PRDM5: variants seen among roughly 807,000 people sequenced by gnomAD.
PRDM5 encodes PR/SET domain 5.
PRDM5 carries 56 observed loss-of-function variants against 81.2 expected under a neutral mutation model. The observed-to-expected ratio is 0.69, with a 90% CI of 0.56 to 0.86. PRDM5 has a LOEUF of 0.86. PRDM5 is among the 40% of genes least tolerant of loss of function. PRDM5 has a pLI of 0.00. For missense variants in PRDM5, 697 were observed against 770.1 expected, an observed-to-expected ratio of 0.91 and a Z score of 1.12; for synonymous variants, 267 against 256.4, an observed-to-expected ratio of 1.04 and a Z score of -0.39.
rs77157999 is a variant in PRDM5 at position 120,694,991 on chromosome 4, A to G, written c.*120T>C. ...ATCTACAGACTCTAAATGTAGGCAAATAAGAACTATGAGACCAGTAAGTCA... is the reference window on the plus strand; with the variant it reads ...ATCTACAGACTCTAAATGTAGGCAAGTAAGAACTATGAGACCAGTAAGTCA... On this transcript the variant is annotated 3_prime_UTR_variant, in exon 16 of 16. Coordinates refer to ENST00000264808, the MANE Select transcript of PRDM5 (RefSeq NM_018699.4). The G allele has an allele frequency of 0.012, 14,021 of 1,207,890 alleles. 120 individuals are homozygous for G. The highest frequency in any genetic ancestry group is 0.014 in the Non-Finnish European group (11,229 of 821,802). The allele number at this position is 1,207,890 out of a possible 1,614,324, so 74.8% of individuals were successfully genotyped here.
chr4:120,708,743 T>C (rs970127216), intron 15 of PRDM5, among the ~76,000 whole-genome samples: 1 of 152,128 alleles, frequency 6.6e-6, no homozygotes. Context: ...GTCTGAGCTA[T>C]GTGTTACAAG....
intron 2 of PRDM5, among the ~76,000 whole-genome samples, chr4:120,870,580 T>A (rs546226325): frequency 5.3e-5 from 8 of 151,482 alleles, no homozygotes; most frequent in Non-Finnish European, 1.0e-4. Flanking sequence ...AATGAGTGAG[T>A]ACGGATGAGA....
intron 8 of PRDM5, among the ~76,000 whole-genome samples, chr4:120,810,943 G>T (rs1253607852): frequency 6.6e-6 from 1 of 152,070 alleles, no homozygotes; most frequent in Non-Finnish European, 1.5e-5. Flanking sequence ...AAATTACTTT[G>T]TAATACATCT....
rs72921541 is a variant in PRDM5, at chr4:120,783,457, T to C, written c.1282+1541A>G. ...AGAACAAAAAAACTGAAAGCAAAGG[T>C]GGTAGATTACTTCTGTTAAGAATTC... is the stretch of plus-strand genomic sequence containing the variant. On this transcript the variant is annotated intron_variant, in intron 11 of 15. Transcript: ENST00000264808. 2.3e-3 allele frequency among the ~76,000 whole-genome samples: 355 copies of C among 152,206 alleles called. 1 individual carries two copies. Among genetic ancestry groups the C allele is most frequent in the African/African-American group, 8.0e-3 (331 of 41,558 alleles).
At chr4:120,697,668 CTA>C (rs1167810740) in intron 15 of PRDM5, among the ~76,000 whole-genome samples, 12,838 of 42,148 alleles carry the variant, frequency 0.3, 1,968 homozygotes, top group African/African-American at 0.43. Flanking sequence ...GCCCAGCTAA[CTA>C]TTTTTTTTTT....
chr4:120,832,469 T>C (rs1756832204), intron 3 of PRDM5, among the ~76,000 whole-genome samples: 1 of 152,098 alleles, frequency 6.6e-6, no homozygotes, highest in African/African-American at 2.4e-5. Flanking sequence ...AAATTACATA[T>C]AAATTATTCC....
chr4:120,849,776 A>C (rs1759055202), intron 3 of PRDM5, among the ~76,000 whole-genome samples: 1 of 152,090 alleles, frequency 6.6e-6, no homozygotes, highest in Non-Finnish European at 1.5e-5. Context: ...CTACATATAC[A>C]TTTTTTTCCT....
intron 8 of PRDM5, among the ~76,000 whole-genome samples, chr4:120,806,166 G>T (rs71430729): frequency 6.6e-6 from 1 of 152,182 alleles, no homozygotes; most frequent in Non-Finnish European, 1.5e-5. Flanking sequence ...TCTTCAAGGA[G>T]AAGCACAAAC....
intron 10 of PRDM5, among the ~76,000 whole-genome samples, chr4:120,786,009 TA>T: frequency 6.6e-6 from 1 of 152,242 alleles, no homozygotes; most frequent in Non-Finnish European, 1.5e-5. Flanking sequence ...TATTCTACTA[TA>T]GATGGCATGA....
rs1414926682 is a variant in PRDM5 at position 120,876,307 on chromosome 4, A to C, written c.178-22767T>G. ...TCTTCTTGCTGGAGACTTCCCCAAG[A>C]AAACTTTAGGTCTTTTTTAAAGTAA... On this transcript the variant is annotated intron_variant, in intron 2 of 15. Coordinates refer to ENST00000264808, the MANE Select transcript of PRDM5 (RefSeq NM_018699.4). Among the ~76,000 whole-genome samples the C allele has an allele frequency of 2.0e-5, 3 of 152,212 alleles. No individual in the cohort carries two copies. The East Asian group carries it at 5.8e-4, about 29-fold the overall frequency.
chr4:120,889,696 T>C (rs1452256976), intron 2 of PRDM5, among the ~76,000 whole-genome samples: 1 of 152,174 alleles, frequency 6.6e-6, no homozygotes, highest in African/African-American at 2.4e-5. Context: ...ATAAGCATAG[T>C]ATACAATAGT....
chr4:120,779,673 G>C (rs1197842419), intron 12 of PRDM5, among the ~76,000 whole-genome samples: 1 of 152,086 alleles, frequency 6.6e-6, no homozygotes, highest in East Asian at 1.9e-4. Flanking sequence ...AACCCAAGGC[G>C]GGCACATCAT....
At chr4:120,808,943 C>T (rs375259122) in intron 8 of PRDM5, among the ~76,000 whole-genome samples, 38 of 152,344 alleles carry the variant, frequency 2.5e-4, no homozygotes, top group East Asian at 1.5e-3. Flanking sequence ...CCGCCTGGCC[C>T]TCTCCCTCCA....
chr4:120,716,738 C>G (rs1210804039), intron 14 of PRDM5, among the ~76,000 whole-genome samples: 2 of 152,114 alleles, frequency 1.3e-5, no homozygotes, highest in Non-Finnish European at 2.9e-5. Context: ...TGAATGTCAT[C>G]AAAGCAAGTC....
rs749302426 is a variant in PRDM5 at position 120,695,242 on chromosome 4, G to A, written c.1762C>T (p.Leu588=). 2 of 1,613,508 alleles carry A rather than the reference G, an allele frequency of 1.2e-6. No individual in the cohort carries two copies. Among genetic ancestry groups the A allele is most frequent in the South Asian group, 2.2e-5 (2 of 91,072 alleles). Residue 588 remains leucine, a synonymous_variant, in exon 16 of 16, where the codon CTG becomes TTG. Transcript: ENST00000264808. ...CDLAFSLKKM[L]IRHKMTHNPN... ...TTATGAGTCATCTTGTGTCGAATCA[G>A]CATTTTCTTCAGGCTAAAAGCCAAA...
rs1298570163 is a variant in PRDM5 at position 120,745,108 on chromosome 4, G to T, written c.1623+9445C>A. Among the ~76,000 whole-genome samples, 10 of 127,602 alleles carry T rather than the reference G, an allele frequency of 7.8e-5. No individual in the cohort carries two copies. The South Asian group carries it at 2.6e-3, about 33-fold the overall frequency. The allele number at this position is 127,602 out of a possible 152,430, so 83.7% of individuals were successfully genotyped here. A position where few individuals can be genotyped will look rare whatever the true frequency, so the allele number is the denominator to read the frequency against. On this transcript the variant is annotated intron_variant, in intron 14 of 15. Transcript: ENST00000264808. ...ATGATCAAGTGGGCTTCATCCCTGGGATGCAAGGCTGGTTCAATATACGCA... is the reference window on the plus strand; with the variant it reads ...ATGATCAAGTGGGCTTCATCCCTGGTATGCAAGGCTGGTTCAATATACGCA...
chr4:120,900,947 T>C (rs1323540981), intron 2 of PRDM5, among the ~76,000 whole-genome samples: 3 of 152,196 alleles, frequency 2.0e-5, no homozygotes, highest in Non-Finnish European at 4.4e-5. Flanking sequence ...ACCCATTCCT[T>C]TTCCTTAGAG....
chr4:120,805,451 G>C (rs756039770), intron 8 of PRDM5, among the ~76,000 whole-genome samples: 1 of 152,042 alleles, frequency 6.6e-6, no homozygotes, highest in South Asian at 2.1e-4. Context: ...AAAAATCCTC[G>C]ATAAAATACT....
intron 3 of PRDM5, among the ~76,000 whole-genome samples, chr4:120,834,033 T>G (rs1757046715): frequency 6.6e-6 from 1 of 152,276 alleles, no homozygotes; most frequent in South Asian, 2.1e-4. Context: ...GCAACAAATC[T>G]AGCTAAAACA....
Sources: gnomAD v4.1 joint callset for allele counts (sites outside exome capture counted in the v4.1 genomes callset) on GRCh38, gnomAD v4.1.1 for gene constraint, MANE v1.5 for transcripts, NCBI Gene and HGNC (gene_info 2026-07-23, HGNC 2026-07-21) for gene names.